The following TMTC2 variants were observed in gnomAD, a reference collection of about 807,000 sequenced individuals.
The protein encoded by TMTC2 is transmembrane O-mannosyltransferase targeting cadherins 2.
Under a neutral mutation model 82.4 loss-of-function variants are expected in TMTC2, and 43 were observed. The ratio of observed to expected loss-of-function variants is 0.52; its 90% confidence interval spans 0.41 to 0.67. TMTC2 has a LOEUF of 0.67. Among genes scored for constraint, TMTC2 ranks in the 30% least tolerant of loss-of-function variants. TMTC2 has a pLI of 0.00. For synonymous variants in TMTC2, 408 were observed against 381.9 expected (o/e 1.07, Z -0.80); for missense variants, 919 against 1,012.4 (o/e 0.91, Z 1.25).
intron 4 of TMTC2, among the ~76,000 whole-genome samples, chr12:82,933,086 G>A (rs77761106): frequency 2.0e-5 from 3 of 152,108 alleles, no homozygotes; most frequent in Non-Finnish European, 2.9e-5. Context: ...AGGTTATGTC[G>A]TAAGTGCCCA....
At chr12:82,845,252 A>AAAAATAT (rs1555190264) in intron 1 of TMTC2, among the ~76,000 whole-genome samples, 7 of 38,804 alleles carry the variant, frequency 1.8e-4, no homozygotes, top group Admixed American at 4.6e-4. Context: ...AAAAAAAAAA[A>AAAAATAT]ATATATATAT....
intron 1 of TMTC2, among the ~76,000 whole-genome samples, chr12:82,764,912 G>A (rs2470364): frequency 0.98 from 147,462 of 150,194 alleles, 72,450 homozygotes; most frequent in East Asian, 1. Context: ...TGCATTTTAC[G>A]TAAGACAACA....
At chr12:83,003,374 C>T (rs1880011521) in intron 8 of TMTC2, among the ~76,000 whole-genome samples, 1 of 150,290 alleles carries the variant, frequency 6.7e-6, no homozygotes, top group Admixed American at 6.6e-5. Context: ...ATGTAACTTG[C>T]CTTTCTATGC....
chr12:83,081,581 G>C (rs962825761), intron 11 of TMTC2, among the ~76,000 whole-genome samples: 1 of 152,130 alleles, frequency 6.6e-6, no homozygotes, highest in Non-Finnish European at 1.5e-5. Flanking sequence ...AATCTAGAGA[G>C]ATGTTTGAGA....
At position 82,895,915 on chromosome 12, in the gene TMTC2, C is replaced by G; in HGVS notation, c.752C>G (p.Pro251Arg). ...TTATACTGGATGGGAAACAAACCAC[C>G]AAGCTTTTCCAACTCGGACAACCCC... ...ARLYWMGNKPPSFSNSDNPAA... is the reference protein window; with the variant it reads ...ARLYWMGNKPRSFSNSDNPAA... Residue 251 changes from proline (P) to arginine (R), a missense_variant, in exon 3 of 12, where the codon CCA (proline) becomes CGA (arginine). Transcript: ENST00000321196. 1 of 1,613,934 alleles carries G rather than the reference C, an allele frequency of 6.2e-7. No individual in the cohort carries two copies. Among genetic ancestry groups the G allele is most frequent in the Non-Finnish European group, 8.5e-7 (1 of 1,180,010 alleles).
chr12:82,932,698 T>G, intron 4 of TMTC2, among the ~76,000 whole-genome samples: 1 of 152,154 alleles, frequency 6.6e-6, no homozygotes, highest in Middle Eastern at 3.2e-3. Context: ...GTATGGGATA[T>G]TACTTTTCTG....
chr12:82,863,418 C>A (rs1019587854), intron 2 of TMTC2, among the ~76,000 whole-genome samples: 2 of 152,162 alleles, frequency 1.3e-5, no homozygotes, highest in African/African-American at 4.8e-5. Context: ...GATTTCCTCC[C>A]AGTAAACTTG....
chr12:82,720,093 T>G (rs1308514817), intron 1 of TMTC2, among the ~76,000 whole-genome samples: 2 of 152,142 alleles, frequency 1.3e-5, no homozygotes, highest in African/African-American at 4.8e-5. Context: ...TATATACAGT[T>G]CACCCATTTA....
At chr12:82,755,596 C>T (rs1359386001) in intron 1 of TMTC2, among the ~76,000 whole-genome samples, 1 of 152,114 alleles carries the variant, frequency 6.6e-6, no homozygotes, top group African/African-American at 2.4e-5. Flanking sequence ...TTGCTACCAT[C>T]ACGTTTGAGA....
In TMTC2 at chr12:82,857,670, C is replaced by CTAT. The variant is rs1871331620; in HGVS notation, c.654+91_654+92insATT. Reference sequence around the variant, plus strand: ...CCATTTAAAAAGCAAATTTATTCCTCTGCAAGCGGAATTTAAAATAAGTTC... The same window carrying CTAT: ...CCATTTAAAAAGCAAATTTATTCCTCTATTGCAAGCGGAATTTAAAATAAGTTC... On this transcript the variant is annotated intron_variant, in intron 2 of 11. Transcript: ENST00000321196. 79 of 1,228,832 alleles carry CTAT rather than the reference C, an allele frequency of 6.4e-5. No homozygotes were observed. The South Asian group carries it at 1.1e-3, about 17-fold the overall frequency. 76.1% of individuals were successfully genotyped at this position (1,228,832 alleles called of 1,614,324 possible).
At chr12:82,876,037 T>TGGTGGTGGTGGTGGTGGC (rs1872486673) in intron 2 of TMTC2, among the ~76,000 whole-genome samples, 1 of 97,196 alleles carries the variant, frequency 1.0e-5, no homozygotes. Context: ...GCGGTGGTGG[T>TGGTGGTGGTGGTGGTGGC]GGTGGTGGTG....
In TMTC2 at chr12:82,755,764, T is replaced by TACAA. The variant is rs1876280036; in HGVS notation, c.83+68095_83+68096insACAA. Among the ~76,000 whole-genome samples the TACAA allele has an allele frequency of 3.9e-5, 6 of 152,326 alleles. No individual in the cohort carries two copies. The South Asian group carries it at 1.2e-3, about 32-fold the overall frequency. On this transcript the variant is annotated intron_variant, in intron 1 of 11. Coordinates refer to ENST00000321196, the MANE Select transcript of TMTC2 (RefSeq NM_152588.3). ...GAAATAGACCTGATTGACACACCCT[T>TACAA]GTAAGTTTAGTGTCGGAACTGCTTT...
At chr12:82,730,712 G>A (rs1010664549) in intron 1 of TMTC2, among the ~76,000 whole-genome samples, 2 of 152,196 alleles carry the variant, frequency 1.3e-5, no homozygotes, top group African/African-American at 2.4e-5. Context: ...GAGAAAATAG[G>A]TTTGATGGAG....
chr12:82,976,292 G>A (rs1233952257), intron 7 of TMTC2, among the ~76,000 whole-genome samples: 1 of 152,082 alleles, frequency 6.6e-6, no homozygotes, highest in Admixed American at 6.6e-5. Context: ...TCAAGTTGAA[G>A]TTTGATGGAA....
intron 11 of TMTC2, among the ~76,000 whole-genome samples, chr12:83,072,183 C>T (rs1302588179): frequency 6.6e-6 from 1 of 152,022 alleles, no homozygotes. Flanking sequence ...TTTGCTGTAT[C>T]CCTGAGGTTT....
chr12:82,833,438 G>A (rs1429387660), intron 1 of TMTC2, among the ~76,000 whole-genome samples: 1 of 152,170 alleles, frequency 6.6e-6, no homozygotes, highest in Non-Finnish European at 1.5e-5. Context: ...TAAAATTTCA[G>A]CAGTTTGGGC....
At chr12:83,055,643 A>G (rs1475390336) in intron 10 of TMTC2, among the ~76,000 whole-genome samples, 1 of 151,984 alleles carries the variant, frequency 6.6e-6, no homozygotes, top group East Asian at 1.9e-4. Context: ...CTGAGAGGAA[A>G]TATAGAGGGA....
chr12:83,101,649 G>C (rs1884219587), intron 11 of TMTC2, among the ~76,000 whole-genome samples: 2 of 152,248 alleles, frequency 1.3e-5, no homozygotes, highest in South Asian at 4.1e-4. Flanking sequence ...AAAAAGAGTG[G>C]GAAGAATTGG....
At chr12:82,838,150 C>A (rs1870149166) in intron 1 of TMTC2, among the ~76,000 whole-genome samples, 1 of 152,112 alleles carries the variant, frequency 6.6e-6, no homozygotes, top group African/African-American at 2.4e-5. Context: ...TTTTTGGGGT[C>A]CAGATGGGAT....
Sources: allele counts gnomAD v4.1 joint callset (sites outside exome capture counted in the v4.1 genomes callset), GRCh38; gene constraint gnomAD v4.1.1; transcripts MANE v1.5; gene names NCBI Gene and HGNC (gene_info 2026-07-23, HGNC 2026-07-21).